Variants in RFC1 observed in about 807,000 individuals in gnomAD.
RFC1 encodes replication factor C subunit 1.
Under a neutral mutation model 137.4 loss-of-function variants are expected in RFC1, and 37 were observed. The ratio of observed to expected loss-of-function variants is 0.27; its 90% CI spans 0.21 to 0.35. RFC1 has a LOEUF of 0.35. RFC1 is among the 10% of genes least tolerant of loss of function. The pLI, the probability that RFC1 is intolerant of heterozygous loss-of-function variation, is 1.00. For synonymous variants in RFC1, 429 were observed against 455.7 expected (o/e 0.94, Z 0.75); for missense variants, 1,205 against 1,358.5 (o/e 0.89, Z 1.78).
intron 19 of RFC1, among the ~76,000 whole-genome samples, chr4:39,300,944 T>A (rs1251508806): frequency 6.6e-6 from 1 of 151,554 alleles, no homozygotes; most frequent in African/African-American, 2.4e-5. Context: ...AAATAAAAAA[T>A]TGGCCAGGTG....
At chr4:39,350,040 C>T (rs1362182498) in intron 2 of RFC1, among the ~76,000 whole-genome samples, 1 of 151,964 alleles carries the variant, frequency 6.6e-6, no homozygotes, top group Non-Finnish European at 1.5e-5. Flanking sequence ...TAATTACACT[C>T]AAGGACATAA....
intron 4 of RFC1, among the ~76,000 whole-genome samples, chr4:39,332,631 T>G (rs1445401861): frequency 1.3e-5 from 2 of 152,222 alleles, no homozygotes; most frequent in Non-Finnish European, 2.9e-5. Flanking sequence ...TTTCCTTATA[T>G]TAAGTCAAAA....
chr4:39,328,243 C>A (rs1451071739), intron 4 of RFC1, among the ~76,000 whole-genome samples: 1 of 152,128 alleles, frequency 6.6e-6, no homozygotes, highest in African/African-American at 2.4e-5. Flanking sequence ...TACGCTATAT[C>A]CCCCAGTTAC....
At chr4:39,337,096 C>G (rs1740391074) in intron 4 of RFC1, among the ~76,000 whole-genome samples, 1 of 152,028 alleles carries the variant, frequency 6.6e-6, no homozygotes, top group Non-Finnish European at 1.5e-5. Context: ...AGCTGTAGGC[C>G]AGGTGCAGTG....
At chr4:39,300,599 C>T (rs1027031642) in intron 19 of RFC1, among the ~76,000 whole-genome samples, 185 bp from the exon 20 acceptor site, 2 of 152,206 alleles carry the variant, frequency 1.3e-5, no homozygotes, top group African/African-American at 2.4e-5. Context: ...AGCAACCACG[C>T]TTCTTGGTAT....
chr4:39,322,878 G>A (rs1184834342), intron 7 of RFC1, among the ~76,000 whole-genome samples: 5 of 151,858 alleles, frequency 3.3e-5, no homozygotes, highest in African/African-American at 1.2e-4. Context: ...GAACTCTGGA[G>A]TTCAAGACCA....
intron 12 of RFC1, among the ~76,000 whole-genome samples, chr4:39,310,584 T>C (rs565792860): frequency 6.6e-6 from 1 of 152,126 alleles, no homozygotes; most frequent in Non-Finnish European, 1.5e-5. Context: ...TGAGGCTAAC[T>C]AGTAGAAACA....
chr4:39,342,997 T>C (rs1048969259), intron 3 of RFC1, among the ~76,000 whole-genome samples: 1 of 152,240 alleles, frequency 6.6e-6, no homozygotes. Context: ...GTGACTACAC[T>C]GAGCCCATCC....
chr4:39,297,978 T>C (rs1738118686), intron 21 of RFC1, among the ~76,000 whole-genome samples: 1 of 152,178 alleles, frequency 6.6e-6, no homozygotes, highest in Non-Finnish European at 1.5e-5. Flanking sequence ...GCCTTTAAGC[T>C]ACAATTATTA....
intron 4 of RFC1, among the ~76,000 whole-genome samples, chr4:39,336,620 G>C (rs1194371792): frequency 6.6e-6 from 1 of 152,220 alleles, no homozygotes; most frequent in African/African-American, 2.4e-5. Context: ...TGTGCATTGC[G>C]GGATGCTTAG....
intron 21 of RFC1, among the ~76,000 whole-genome samples, chr4:39,298,736 AC>A (rs1738168774): frequency 6.6e-6 from 1 of 152,208 alleles, no homozygotes; most frequent in Non-Finnish European, 1.5e-5. Flanking sequence ...AGCAAATGAA[AC>A]TTTTGATTCA....
chr4:39,322,456 A>G (rs1739566240), intron 7 of RFC1: 1 of 152,294 alleles, frequency 6.6e-6, no homozygotes, highest in South Asian at 2.1e-4. Context: ...ATTATATGAG[A>G]CTGTCATAAT....
At chr4:39,346,198 C>A (rs1740849918) in intron 2 of RFC1, among the ~76,000 whole-genome samples, 1 of 152,172 alleles carries the variant, frequency 6.6e-6, no homozygotes, top group Non-Finnish European at 1.5e-5. Context: ...TAGAACCAGC[C>A]AGGCTCAGTG....
chr4:39,332,332 T>C (rs553136500), intron 4 of RFC1, among the ~76,000 whole-genome samples: 2 of 152,334 alleles, frequency 1.3e-5, no homozygotes, highest in South Asian at 2.1e-4. Context: ...CTTACTTCTG[T>C]TCATTATTTA....
chr4:39,337,115 C>T (rs1287519743), intron 4 of RFC1, among the ~76,000 whole-genome samples: 1 of 152,262 alleles, frequency 6.6e-6, no homozygotes, highest in Non-Finnish European at 1.5e-5. Flanking sequence ...TGGCTCACGC[C>T]TATAATCCCA....
intron 10 of RFC1, 102 bp from the exon 11 acceptor site, chr4:39,313,033 T>G: frequency 1.0e-6 from 1 of 974,620 alleles, no homozygotes. Flanking sequence ...TCATTTCACA[T>G]CATAAATAAC....
At chr4:39,328,899 G>C (rs1248073014) in intron 4 of RFC1, among the ~76,000 whole-genome samples, 1 of 152,016 alleles carries the variant, frequency 6.6e-6, no homozygotes, top group Non-Finnish European at 1.5e-5. Context: ...TGCAGAGGTA[G>C]TAAGTTGTCA....
intron 3 of RFC1, among the ~76,000 whole-genome samples, chr4:39,344,948 C>T (rs1228365858): frequency 6.6e-6 from 1 of 152,094 alleles, no homozygotes; most frequent in Non-Finnish European, 1.5e-5. Flanking sequence ...GAGCATACAG[C>T]CCTCTTCTCA....
intron 21 of RFC1, 81 bp downstream of exon 21, chr4:39,299,939 TA>T: frequency 1.2e-6 from 1 of 826,510 alleles, no homozygotes. Flanking sequence ...CAAAATAAAA[TA>T]AAATAAGTAC....
Sources: gnomAD v4.1 joint callset for allele counts (sites outside exome capture counted in the v4.1 genomes callset) on GRCh38, gnomAD v4.1.1 for gene constraint, MANE v1.5 for transcripts, NCBI Gene and HGNC (gene_info 2026-07-23, HGNC 2026-07-21) for gene names.